Variants in NXPE2 observed in about 807,000 individuals in gnomAD.
NXPE2 encodes neurexophilin and PC-esterase domain family member 2, also known as NXPE family member 2.
A neutral mutation model predicts 34.4 loss-of-function variants in NXPE2; 34 were observed. That is an observed-to-expected ratio of 0.99 (90% CI 0.75 to 1.31). NXPE2 has a LOEUF of 1.31. NXPE2 is among the 40% of genes most tolerant of loss of function. The probability of loss-of-function intolerance (pLI) is 0.00; values close to 1 mark genes in which losing one functional copy is unlikely to be tolerated. For synonymous variants in NXPE2, 235 were observed against 231.3 expected, an observed-to-expected ratio of 1.02 and a Z score of -0.15; for missense variants, 649 against 672.5, an observed-to-expected ratio of 0.97 and a Z score of 0.39.
intron 3 of NXPE2, 28 bp downstream of exon 3, chr11:114,698,806 G>A (rs565428819): frequency 2.1e-6 from 3 of 1,457,962 alleles, no homozygotes; most frequent in South Asian, 2.9e-5. Flanking sequence ...TACAATAGCA[G>A]ATAAAAAGAG....
At chr11:114,509,199 G>A in the NXPE2 span, among the ~76,000 whole-genome samples, 1 of 152,116 alleles carries the variant, frequency 6.6e-6, no homozygotes, top group Non-Finnish European at 1.5e-5. Context: ...AAACCACAAT[G>A]AGATACCATC....
the NXPE2 span, among the ~76,000 whole-genome samples, chr11:114,618,851 C>T: frequency 6.6e-4 from 100 of 151,758 alleles, no homozygotes; most frequent in African/African-American, 2.3e-3. Context: ...CATTGGTACC[C>T]AGTGGATCCT....
chr11:114,788,329 G>A, the NXPE2 span, among the ~76,000 whole-genome samples: 1 of 152,196 alleles, frequency 6.6e-6, no homozygotes, highest in Non-Finnish European at 1.5e-5. Flanking sequence ...TCACTGACAA[G>A]CAGGGCCATG....
At chr11:114,473,882 C>T in the NXPE2 span, among the ~76,000 whole-genome samples, 2 of 151,564 alleles carry the variant, frequency 1.3e-5, no homozygotes, top group African/African-American at 4.9e-5. Context: ...ACCTCTAAAA[C>T]GGGAATAGCT....
At chr11:114,591,313 AT>A in the NXPE2 span, among the ~76,000 whole-genome samples, 1 of 152,196 alleles carries the variant, frequency 6.6e-6, no homozygotes, top group Non-Finnish European at 1.5e-5. Flanking sequence ...TCATGCTACC[AT>A]TTGGAAGGAA....
At chr11:114,732,698 TTC>T in the NXPE2 span, among the ~76,000 whole-genome samples, 7 of 152,224 alleles carry the variant, frequency 4.6e-5, no homozygotes, top group African/African-American at 1.2e-4. Flanking sequence ...TTCTTAAAAA[TTC>T]TCTCTGTTTT....
chr11:114,471,729 A>G, the NXPE2 span, among the ~76,000 whole-genome samples: 6 of 152,166 alleles, frequency 3.9e-5, no homozygotes, highest in Non-Finnish European at 5.9e-5. Flanking sequence ...ATCTCCTCCA[A>G]ACGTCTTGTC....
the NXPE2 span, among the ~76,000 whole-genome samples, chr11:114,746,547 C>A: frequency 6.6e-6 from 1 of 151,962 alleles, no homozygotes; most frequent in Non-Finnish European, 1.5e-5. Flanking sequence ...TTTAAGGGAC[C>A]AGGAATCAAA....
chr11:114,795,027 C>T, the NXPE2 span, among the ~76,000 whole-genome samples: 20 of 152,172 alleles, frequency 1.3e-4, no homozygotes, highest in Non-Finnish European at 4.4e-5. Context: ...CAATTTCCAG[C>T]ATTTTGTGGC....
At chr11:114,792,048 A>T in the NXPE2 span, among the ~76,000 whole-genome samples, 1 of 152,058 alleles carries the variant, frequency 6.6e-6, no homozygotes. Flanking sequence ...ACTGAGTGAG[A>T]CTCCGTCTCA....
At chr11:114,765,248 A>G in the NXPE2 span, among the ~76,000 whole-genome samples, 2 of 125,352 alleles carry the variant, frequency 1.6e-5, no homozygotes, top group Non-Finnish European at 3.7e-5. Flanking sequence ...CAACAAATAC[A>G]GACATACTTT....
chr11:114,690,765 CAA>C (rs1284701767), intron 2 of NXPE2, among the ~76,000 whole-genome samples: 1 of 152,072 alleles, frequency 6.6e-6, no homozygotes, highest in African/African-American at 2.4e-5. Flanking sequence ...CCTTATTTCT[CAA>C]AGTCTTTGTT....
chr11:114,700,475 T>C (rs1217106393), intron 3 of NXPE2, among the ~76,000 whole-genome samples: 1 of 152,042 alleles, frequency 6.6e-6, no homozygotes, highest in East Asian at 1.9e-4. Flanking sequence ...CATGTTGGAA[T>C]GTTCTAGGAA....
chr11:114,627,811 A>C, the NXPE2 span, among the ~76,000 whole-genome samples: 1 of 151,850 alleles, frequency 6.6e-6, no homozygotes, highest in South Asian at 2.1e-4. Flanking sequence ...CTCAAAATAA[A>C]AGGATGGAGG....
Position 114,705,955 on chromosome 11 carries a change from C to A in NXPE2, c.1103C>A (p.Thr368Lys). ...RKLIYLMGDS[T>K]LHQWIYYLQK... Reference sequence around the variant, plus strand: ...CTTATTTATCTCATGGGAGATTCAACACTGCATCAGTGGATTTACTACTTA... The same window carrying A: ...CTTATTTATCTCATGGGAGATTCAAAACTGCATCAGTGGATTTACTACTTA... Residue 368 changes from threonine to lysine, a missense_variant, in exon 5 of 6, where the codon ACA becomes AAA. By Grantham distance (78) the Thr-to-Lys change is moderately conservative (BLOSUM62 -1). Transcript: ENST00000389586. 2 of 1,520,164 alleles carry A rather than the reference C, an allele frequency of 1.3e-6. No individual in the cohort carries two copies. Among genetic ancestry groups the A allele is most frequent in the Non-Finnish European group, 1.8e-6 (2 of 1,133,484 alleles). 94.2% of individuals were successfully genotyped at this position (1,520,164 alleles called of 1,614,324 possible).
chr11:114,499,816 C>T, the NXPE2 span, among the ~76,000 whole-genome samples: 112 of 152,244 alleles, frequency 7.4e-4, no homozygotes, highest in African/African-American at 2.6e-3. Context: ...ATTTCTGTCC[C>T]TACTGATTCA....
the NXPE2 span, chr11:114,552,097 A>C: frequency 6.6e-6 from 1 of 152,204 alleles, no homozygotes; most frequent in Non-Finnish European, 1.5e-5. Flanking sequence ...TTCACAGGCA[A>C]AATGGAAGTG....
chr11:114,690,356 C>T (rs1012937057), intron 2 of NXPE2, among the ~76,000 whole-genome samples: 1 of 152,104 alleles, frequency 6.6e-6, no homozygotes, highest in African/African-American at 2.4e-5. Flanking sequence ...ATTTATGAAG[C>T]TTAGTTTGGT....
At chr11:114,741,349 T>C in the NXPE2 span, among the ~76,000 whole-genome samples, 2 of 152,222 alleles carry the variant, frequency 1.3e-5, no homozygotes, top group African/African-American at 4.8e-5. Context: ...CATATACCTG[T>C]ATGTCCATAT....
Sources: gnomAD v4.1 joint callset for allele counts (sites outside exome capture counted in the v4.1 genomes callset) on GRCh38, gnomAD v4.1.1 for gene constraint, MANE v1.5 for transcripts, NCBI Gene and HGNC (gene_info 2026-07-23, HGNC 2026-07-21) for gene names.